Variants in ABCC4 observed in about 807,000 individuals in gnomAD.
The protein encoded by ABCC4 is ATP binding cassette subfamily C member 4 (PEL blood group).
A neutral mutation model predicts 168.5 loss-of-function variants in ABCC4; 102 were observed. The observed-to-expected ratio is 0.61, with a 90% CI of 0.52 to 0.71. The LOEUF (loss-of-function observed/expected upper bound fraction) is 0.71, where lower values mean the gene tolerates loss of function less well. Ranked by LOEUF, ABCC4 falls within the 30% of genes least tolerant of loss-of-function variation. ABCC4 has a pLI of 0.00. For synonymous variants in ABCC4, 617 were observed against 590.7 expected (o/e 1.04, Z -0.65); for missense variants, 1,402 against 1,605.8 (o/e 0.87, Z 2.17).
intron 11 of ABCC4, among the ~76,000 whole-genome samples, chr13:95,186,001 G>A (rs2038046746): frequency 6.6e-6 from 1 of 151,920 alleles, no homozygotes; most frequent in Non-Finnish European, 1.5e-5. Context: ...AGTGGAGAAG[G>A]AAACCTGTGG....
At chr13:95,183,252 T>C (rs1326934172) in intron 11 of ABCC4, among the ~76,000 whole-genome samples, 1 of 152,200 alleles carries the variant, frequency 6.6e-6, no homozygotes, top group Middle Eastern at 3.2e-3. Context: ...ATAATCCTGC[T>C]GTATCTCCCC....
intron 5 of ABCC4, among the ~76,000 whole-genome samples, chr13:95,209,866 G>C (rs920631085): frequency 3.9e-5 from 6 of 152,238 alleles, no homozygotes; most frequent in Admixed American, 1.3e-4. Context: ...TCACTGATGA[G>C]CTGAGCATTT....
intron 20 of ABCC4, among the ~76,000 whole-genome samples, chr13:95,095,530 G>C (rs562837563): frequency 6.6e-6 from 1 of 152,210 alleles, no homozygotes; most frequent in South Asian, 2.1e-4. Context: ...GGACTTTGGG[G>C]GTTTAGGGGG....
intron 30 of ABCC4, among the ~76,000 whole-genome samples, chr13:95,025,236 T>TAC (rs2031387494): frequency 3.1e-4 from 2 of 6,404 alleles, no homozygotes; most frequent in African/African-American, 7.2e-4. Flanking sequence ...CACACACCCA[T>TAC]ACACACACAC....
chr13:95,247,141 A>G lies in ABCC4; in HGVS notation c.186-46T>C. On this transcript the variant is annotated intron_variant, in intron 2 of 30. Coordinates refer to ENST00000645237, the MANE Select transcript of ABCC4 (RefSeq NM_005845.5). Reference sequence around the variant, plus strand: ...CGTAAATAAGAGTGAACCCTGCCACAATATAAAACAGGGGAGATGGCAGAG... The same window carrying G: ...CGTAAATAAGAGTGAACCCTGCCACGATATAAAACAGGGGAGATGGCAGAG... 4 of 1,585,150 alleles carry G rather than the reference A, an allele frequency of 2.5e-6. 1 individual carries two copies. In the South Asian group the frequency reaches 4.6e-5, roughly 18 times the overall value.
At chr13:95,131,367 C>T (rs534597345) in intron 19 of ABCC4, among the ~76,000 whole-genome samples, 61 of 152,296 alleles carry the variant, frequency 4.0e-4, no homozygotes, top group African/African-American at 1.4e-3. Context: ...GTGGCTCACG[C>T]CTGTAATCCT....
intron 1 of ABCC4, among the ~76,000 whole-genome samples, chr13:95,249,986 G>C (rs2040212851): frequency 6.6e-6 from 1 of 152,124 alleles, no homozygotes; most frequent in African/African-American, 2.4e-5. Context: ...AATCAGTAAG[G>C]ACTTAACAAG....
intron 1 of ABCC4, among the ~76,000 whole-genome samples, chr13:95,277,123 T>C (rs1021427823): frequency 6.6e-6 from 1 of 152,182 alleles, no homozygotes; most frequent in Non-Finnish European, 1.5e-5. Context: ...GAAACAAGAA[T>C]TATTAACCTC....
intron 21 of ABCC4, among the ~76,000 whole-genome samples, chr13:95,079,480 C>T (rs980731736): frequency 2.6e-5 from 4 of 152,178 alleles, no homozygotes; most frequent in Non-Finnish European, 5.9e-5. Flanking sequence ...CAAGCAGTCT[C>T]AGGCAACCCT....
chr13:95,247,941 G>A (rs116583354), intron 1 of ABCC4, among the ~76,000 whole-genome samples, 188 bp from the exon 2 acceptor site: 1 of 17,258 alleles, frequency 5.8e-5, no homozygotes, highest in Admixed American at 3.8e-4. Context: ...CACACACACA[G>A]TCCCTAGCTC....
intron 19 of ABCC4, among the ~76,000 whole-genome samples, chr13:95,124,025 G>A (rs2035666639): frequency 1.3e-5 from 2 of 152,190 alleles, no homozygotes; most frequent in Admixed American, 6.5e-5. Flanking sequence ...CCTAGTTGAT[G>A]GGAAGAGCAT....
chr13:95,185,179 G>A (rs922002381), intron 11 of ABCC4, among the ~76,000 whole-genome samples: 29 of 152,108 alleles, frequency 1.9e-4, no homozygotes, highest in Admixed American at 1.5e-3. Flanking sequence ...AATAGCAAAG[G>A]CACTGGGAAA....
At chr13:95,122,828 A>G (rs74105436) in intron 19 of ABCC4, among the ~76,000 whole-genome samples, 8,218 of 54,022 alleles carry the variant, frequency 0.15, 782 homozygotes, top group African/African-American at 0.27. Context: ...AACCCTCCGC[A>G]GCTAGGGAAG....
chr13:95,033,836 AT>A (rs2032000234), intron 30 of ABCC4, among the ~76,000 whole-genome samples: 1 of 151,876 alleles, frequency 6.6e-6, no homozygotes, highest in Non-Finnish European at 1.5e-5. Context: ...TAATTTTTGT[AT>A]TTTTAGTAGA....
chr13:95,219,585 C>T (rs970689295), intron 4 of ABCC4, among the ~76,000 whole-genome samples: 1 of 152,162 alleles, frequency 6.6e-6, no homozygotes, highest in Non-Finnish European at 1.5e-5. Flanking sequence ...CAGCTCACTG[C>T]AGCTTCCACC....
chr13:95,219,879 C>T (rs1566540915), intron 4 of ABCC4, among the ~76,000 whole-genome samples: 2 of 146,906 alleles, frequency 1.4e-5, no homozygotes, highest in Non-Finnish European at 3.0e-5. Flanking sequence ...CCCCCCGAGA[C>T]AGTTTCACTC....
In ABCC4 at chr13:95,115,997, T is replaced by G; in HGVS notation, c.2460A>C (p.Arg820Ser). The G allele has an allele frequency of 6.2e-7, 1 of 1,611,342 alleles. No homozygotes were observed. Residue 820 changes from arginine (R) to serine (S), a missense_variant, in exon 20 of 31, where the codon AGA (arginine) becomes AGC (serine). By Grantham distance (110) the Arg-to-Ser change is moderately radical. Transcript: ENST00000645237. The part of the protein sequence containing the change: ...VLFFDRNPIG[R>S]ILNRFSKDIG... ...TGTCTTTGGAGAAACGATTTAAAAT[T>G]CTTCCTGCAAGAACAGGATATGAAA...
intron 19 of ABCC4, among the ~76,000 whole-genome samples, chr13:95,151,620 AAGG>A (rs1375657647): frequency 4.8e-5 from 7 of 147,222 alleles, no homozygotes; most frequent in African/African-American, 1.8e-4. Context: ...GAAGGAGAAG[AAGG>A]AGAAGAAGGA....
chr13:95,206,425 T>C, intron 8 of ABCC4, 107 bp downstream of exon 8: 1 of 1,457,180 alleles, frequency 6.9e-7, no homozygotes, highest in Non-Finnish European at 9.4e-7. Flanking sequence ...GTTTTGGTTA[T>C]GAGAGAGTTA....
Sources: allele counts gnomAD v4.1 joint callset (sites outside exome capture counted in the v4.1 genomes callset), GRCh38; gene constraint gnomAD v4.1.1; transcripts MANE v1.5; gene names NCBI Gene and HGNC (gene_info 2026-07-23, HGNC 2026-07-21).